Variants in ARHGEF18 observed in about 807,000 individuals in gnomAD.
ARHGEF18 encodes Rho/Rac guanine nucleotide exchange factor 18.
Under a neutral mutation model 155.7 loss-of-function variants are expected in ARHGEF18, and 93 were observed. That is an observed-to-expected ratio of 0.60 (90% confidence interval 0.50 to 0.71). The LOEUF (loss-of-function observed/expected upper bound fraction) is 0.71, where lower values mean the gene tolerates loss of function less well. ARHGEF18 is among the 30% of genes least tolerant of loss of function. ARHGEF18 has a pLI of 0.00. For synonymous variants in ARHGEF18, 742 were observed against 753.1 expected, an observed-to-expected ratio of 0.99 and a Z score of 0.24; for missense variants, 1,593 against 1,816.1, an observed-to-expected ratio of 0.88 and a Z score of 2.23.
rs780404720 is a variant in ARHGEF18 at position 7,469,963 on chromosome 19, A to G, written c.3847A>G (p.Thr1283Ala). 7 of 1,612,556 alleles carry G rather than the reference A, an allele frequency of 4.3e-6. No individual in the cohort carries two copies. Among genetic ancestry groups the G allele is most frequent in the African/African-American group, 2.7e-5 (2 of 74,738 alleles). Residue 1283 changes from threonine (T) to alanine (A), a missense_variant, in exon 28 of 29, where the codon ACC becomes GCC. Coordinates refer to ENST00000668164, the MANE Select transcript of ARHGEF18 (RefSeq NM_001367823.1). Reference sequence around the variant, plus strand: ...CAAGCTCATGGGGAAAGATGAGAGCACCTCACGGAACCGCCGCTCGCTGAG... The same window carrying G: ...CAAGCTCATGGGGAAAGATGAGAGCGCCTCACGGAACCGCCGCTCGCTGAG... Reference protein sequence around the residue: ...LNKLMGKDESTSRNRRSLSPI... With the variant: ...LNKLMGKDESASRNRRSLSPI...
At position 7,466,915 on chromosome 19, in the gene ARHGEF18, C is replaced by T. The variant is rs1600547192; in HGVS notation, c.2905-3C>T. 6.2e-7 allele frequency: 1 copy of T among 1,613,306 alleles called. No individual in the cohort carries two copies. The highest frequency in any genetic ancestry group is 1.7e-5 in the Admixed American group (1 of 59,974). Reference sequence around the variant, plus strand: ...CTCTGGTTTGACGGTGTCCTCTTCCCAGGTGGAGGCGCCAGGCACGGAATC... The same window carrying T: ...CTCTGGTTTGACGGTGTCCTCTTCCTAGGTGGAGGCGCCAGGCACGGAATC... On this transcript the variant is annotated splice_region_variant and splice_polypyrimidine_tract_variant and intron_variant, in intron 23 of 28. Transcript: ENST00000668164.
intron 10 of ARHGEF18, among the ~76,000 whole-genome samples, chr19:7,404,499 A>C: frequency 7.9e-6 from 1 of 126,296 alleles, no homozygotes; most frequent in African/African-American, 3.1e-5. Flanking sequence ...TCGCTCTGTC[A>C]CCCAGGCTGG....
intron 10 of ARHGEF18, among the ~76,000 whole-genome samples, chr19:7,412,022 G>GT (rs2145625419): frequency 7.1e-6 from 1 of 141,772 alleles, no homozygotes; most frequent in Non-Finnish European, 1.5e-5. Flanking sequence ...CATGTTTTGT[G>GT]TTTTTTTGTT....
At position 7,433,399 on chromosome 19, in the gene ARHGEF18, G is replaced by A. The variant is rs146214818; in HGVS notation, c.968-6945G>A. On this transcript the variant is annotated intron_variant, in intron 10 of 28. Coordinates refer to ENST00000668164, the MANE Select transcript of ARHGEF18 (RefSeq NM_001367823.1). ...GGAGAATCACTTGAACCCAGGAGGC[G>A]GGGTTGCAGTGAGCCAAGATTGCAC... 9.4e-3 allele frequency among the ~76,000 whole-genome samples: 1,421 copies of A among 151,254 alleles called. 18 individuals are homozygous for A. The highest frequency in any genetic ancestry group is 0.017 in the African/African-American group (709 of 41,218).
chr19:7,464,058 G>C, intron 22 of ARHGEF18, 103 bp downstream of exon 22: 1 of 1,420,276 alleles, frequency 7.0e-7, no homozygotes, highest in South Asian at 1.5e-5. Flanking sequence ...TTGTTGTTGA[G>C]ACAGAGTCTT....
chr19:7,467,475 C>T lies in ARHGEF18; in HGVS notation c.3271C>T (p.Arg1091Cys), dbSNP rs1434713248. The change falls in exon 26 of 29, where the codon CGC (arginine) becomes TGC (cysteine). Residue 1091 changes from arginine to cysteine, a missense_variant. Coordinates refer to ENST00000668164, the MANE Select transcript of ARHGEF18 (RefSeq NM_001367823.1). ...GCGTGCGGGCGCGCGGCTGCAGGAG[C>T]GCGAGGGCGAGGCGCGGCAGCTACG... ...LERAGARLQE[R>C]EGEARQLRER... 3 of 1,471,266 alleles carry T rather than the reference C, an allele frequency of 2.0e-6. No individual in the cohort carries two copies. The highest frequency in any genetic ancestry group is 2.7e-6 in the Non-Finnish European group (3 of 1,121,772). The allele number at this position is 1,471,266 out of a possible 1,614,324, so 91.1% of individuals were successfully genotyped here.
chr19:7,376,647 GT>G lies in ARHGEF18; in HGVS notation c.432del (p.Cys144TrpfsTer58). 1 of 1,234,232 alleles carries G rather than the reference GT, an allele frequency of 8.1e-7. No individual in the cohort carries two copies. The highest frequency in any genetic ancestry group is 1.0e-6 in the Non-Finnish European group (1 of 988,058). 76.5% of individuals were successfully genotyped at this position (1,234,232 alleles called of 1,614,324 possible). On this transcript the variant is annotated frameshift_variant, in exon 5 of 29. Transcript: ENST00000668164. LOFTEE classifies it high-confidence loss of function. ...GAGATGTTTAATCCCCTGCAGGAAT[GT>G]GACAGCCCCAAGAAAAGAGGGAGGT... The part of the protein sequence containing the change: ...GTPAESPGKE[C>X]DSPKKRGRSR...
chr19:7,420,593 C>G (rs1056253732), intron 10 of ARHGEF18, among the ~76,000 whole-genome samples: 1 of 152,182 alleles, frequency 6.6e-6, no homozygotes, highest in Admixed American at 6.6e-5. Context: ...TCAGTTTTTC[C>G]AAAGCATTTG....
At position 7,375,884 on chromosome 19, in the gene ARHGEF18, G is replaced by A; in HGVS notation, c.426+14G>A. On this transcript the variant is annotated intron_variant, in intron 4 of 28. Transcript: ENST00000668164. ...AGCCCAGGCAAGGTGGGTATAACCT[G>A]CAGCCACCCCTGACAATAGCACACT... is the stretch of plus-strand genomic sequence containing the variant. The A allele has an allele frequency of 8.1e-7, 1 of 1,234,394 alleles. No individual in the cohort carries two copies. The highest frequency in any genetic ancestry group is 1.0e-6 in the Non-Finnish European group (1 of 988,210). 76.5% of individuals were successfully genotyped at this position (1,234,394 alleles called of 1,614,324 possible). A position where few individuals can be genotyped will look rare whatever the true frequency, so the allele number is the denominator to read the frequency against.
chr19:7,365,658 G>A (rs932196754), intron 2 of ARHGEF18, among the ~76,000 whole-genome samples: 1 of 152,158 alleles, frequency 6.6e-6, no homozygotes, highest in East Asian at 1.9e-4. Context: ...GCCCCCACCC[G>A]CTGGCAAATC....
At position 7,467,132 on chromosome 19, in the gene ARHGEF18, G is replaced by A; in HGVS notation, c.3009+14G>A. On this transcript the variant is annotated intron_variant, in intron 25 of 28. Transcript: ENST00000668164. ...CTGAACCTTCAGGTACAGGGGCGGG[G>A]TGGGGCCGGCCACGCGTGCCCTTTC... 6.3e-7 allele frequency: 1 copy of A among 1,592,766 alleles called. No homozygotes were observed. The highest frequency in any genetic ancestry group is 8.6e-7 in the Non-Finnish European group (1 of 1,165,608).
chr19:7,462,427 C>A lies in ARHGEF18; in HGVS notation c.2635+93C>A, dbSNP rs1600531483. ...CAGGCTCACGGCTCATTGTGGCCGA[C>A]ACGGCACCCTGTCCAGGACAGGCTT... On this transcript the variant is annotated intron_variant, in intron 21 of 28. Transcript: ENST00000668164. The surrounding 1 kb of genome is among the most constrained non-coding windows in gnomAD (Gnocchi z 4.4). 5 of 1,373,946 alleles carry A rather than the reference C, an allele frequency of 3.6e-6. 1 individual carries two copies. The East Asian group carries it at 1.3e-4, about 35-fold the overall frequency. 85.1% of individuals were successfully genotyped at this position (1,373,946 alleles called of 1,614,324 possible).
intron 15 of ARHGEF18, among the ~76,000 whole-genome samples, chr19:7,450,930 C>G: frequency 6.6e-6 from 1 of 152,118 alleles, no homozygotes; most frequent in Non-Finnish European, 1.5e-5. Context: ...CAGGATCTTG[C>G]TGTCCGTTTC....
At chr19:7,406,489 C>T (rs898308984) in intron 10 of ARHGEF18, among the ~76,000 whole-genome samples, 2 of 152,162 alleles carry the variant, frequency 1.3e-5, no homozygotes, top group African/African-American at 2.4e-5. Context: ...AATGTCTGGC[C>T]GTGTGCCTAT....
rs1971675686 is a variant in ARHGEF18, at chr19:7,395,933, C to T, written c.967+12730C>T. On this transcript the variant is annotated intron_variant, in intron 10 of 28. Transcript: ENST00000668164. This position sits in a 1 kb window ranked among gnomAD's most constrained non-coding sequence, Gnocchi z 5.0. ...CGTGATGCTGAGGTTTGGGGTGTGA[C>T]TGATCTCGTCACCCAGGTACTGAGC... Among the ~76,000 whole-genome samples the T allele has an allele frequency of 6.6e-6, 1 of 151,798 alleles. No individual in the cohort carries two copies.
chr19:7,356,291 G>C (rs547429511), intron 1 of ARHGEF18, among the ~76,000 whole-genome samples: 1 of 139,872 alleles, frequency 7.1e-6, no homozygotes, highest in African/African-American at 3.0e-5. Context: ...TTTTTTCTGA[G>C]ACCGAGTCTC....
downstream of ARHGEF18, chr19:7,477,433 C>T (rs1414950848): frequency 1.3e-5 from 19 of 1,440,078 alleles, no homozygotes; most frequent in South Asian, 6.0e-5. Flanking sequence ...CCCGGGGCAG[C>T]GGGCTGTGGG....
At chr19:7,382,084 G>A (rs1970772315) in intron 8 of ARHGEF18, among the ~76,000 whole-genome samples, 1 of 152,098 alleles carries the variant, frequency 6.6e-6, no homozygotes, top group South Asian at 2.1e-4. Context: ...TGGAGTTTGG[G>A]GTGGGGGAGG....
In ARHGEF18 at chr19:7,373,476, TG is replaced by T. The variant is rs143605772; in HGVS notation, c.275+406del. 3.9e-5 allele frequency among the ~76,000 whole-genome samples: 5 copies of T among 129,572 alleles called. 1 individual carries two copies. The highest frequency in any genetic ancestry group is 2.4e-4 in the East Asian group (1 of 4,150). The allele number at this position is 129,572 out of a possible 152,430, so 85.0% of individuals were successfully genotyped here. ...GTTTTTGTGTTTGTTTTTTTTTTTT[TG>T]TTTTTGTTTTTTTTTTGAGATGGAG... On this transcript the variant is annotated intron_variant, in intron 3 of 28. Transcript: ENST00000668164.
Sources: gnomAD v4.1 joint callset for allele counts (sites outside exome capture counted in the v4.1 genomes callset) on GRCh38, gnomAD v4.1.1 for gene constraint, Gnocchi (gnomAD v3.1) non-coding constraint, MANE v1.5 for transcripts, NCBI Gene and HGNC (gene_info 2026-07-23, HGNC 2026-07-21) for gene names.